The following DSCAM variants were observed in gnomAD, a reference collection of about 807,000 sequenced individuals.
DSCAM encodes DS cell adhesion molecule, also known as cell adhesion molecule DSCAM.
In DSCAM, 47 loss-of-function variants were observed where a neutral mutation model predicts 217.7. That is an observed-to-expected ratio of 0.22 (90% CI 0.17 to 0.28). The LOEUF (loss-of-function observed/expected upper bound fraction) is 0.28, where lower values mean the gene tolerates loss of function less well. DSCAM is among the 10% of genes least tolerant of loss of function. DSCAM has a pLI of 1.00. For missense variants in DSCAM, 2,080 were observed against 2,618.3 expected, an observed-to-expected ratio of 0.79 and a Z score of 4.49; for synonymous variants, 1,056 against 1,015.3, an observed-to-expected ratio of 1.04 and a Z score of -0.76.
At chr21:40,676,254 T>TTA (rs1555879259) in intron 3 of DSCAM, among the ~76,000 whole-genome samples, 1 of 152,076 alleles carries the variant, frequency 6.6e-6, no homozygotes, top group African/African-American at 2.4e-5. Flanking sequence ...TCAAAGCCAG[T>TTA]AAAAAAAGCA....
intron 8 of DSCAM, among the ~76,000 whole-genome samples, chr21:40,315,411 A>T (rs1317683475): frequency 2.0e-5 from 3 of 152,094 alleles, no homozygotes; most frequent in Non-Finnish European, 4.4e-5. Context: ...CTCAAAAAAA[A>T]AAAAGGAAAA....
rs1035186754 is a variant in DSCAM, at chr21:40,536,334, C to A, written c.508+156476G>T. ...CATTACAGAGGTGATGTGAAACCAT[C>A]TAAGATTCAAAGGTTTTCCAATACT... On this transcript the variant is annotated intron_variant, in intron 3 of 32. Coordinates refer to ENST00000400454, the MANE Select transcript of DSCAM (RefSeq NM_001389.5). Among the ~76,000 whole-genome samples the A allele has an allele frequency of 2.2e-4, 33 of 151,456 alleles. 1 individual carries two copies. The highest frequency in any genetic ancestry group is 1.8e-3 in the Admixed American group (28 of 15,216).
At chr21:40,304,942 T>C (rs1331600114) in intron 9 of DSCAM, among the ~76,000 whole-genome samples, 3 of 152,144 alleles carry the variant, frequency 2.0e-5, no homozygotes, top group African/African-American at 4.8e-5. Flanking sequence ...ATAATAATGA[T>C]AAAGTTTCAA....
chr21:40,533,967 A>T (rs1231285786), intron 3 of DSCAM, among the ~76,000 whole-genome samples: 1 of 152,206 alleles, frequency 6.6e-6, no homozygotes, highest in Non-Finnish European at 1.5e-5. Flanking sequence ...ATGTGCTGCA[A>T]GTATGATCTC....
chr21:40,669,962 A>G (rs2090252919), intron 3 of DSCAM, among the ~76,000 whole-genome samples: 1 of 151,822 alleles, frequency 6.6e-6, no homozygotes, highest in Non-Finnish European at 1.5e-5. Flanking sequence ...AAAAAAGTCC[A>G]AATTCAATAC....
At chr21:40,713,359 G>A (rs942885823) in intron 1 of DSCAM, among the ~76,000 whole-genome samples, 1 of 152,194 alleles carries the variant, frequency 6.6e-6, no homozygotes, top group Non-Finnish European at 1.5e-5. Flanking sequence ...GCATTGAGAC[G>A]TGTGTTGTGT....
intron 32 of DSCAM, among the ~76,000 whole-genome samples, chr21:40,018,968 G>A (rs1175170787): frequency 6.6e-6 from 1 of 152,166 alleles, no homozygotes; most frequent in African/African-American, 2.4e-5. Flanking sequence ...TTTCTGATTA[G>A]CGTCCAAAGT....
intron 1 of DSCAM, among the ~76,000 whole-genome samples, chr21:40,748,857 C>T (rs1601207337): frequency 6.6e-6 from 1 of 152,088 alleles, no homozygotes; most frequent in African/African-American, 2.4e-5. Flanking sequence ...GTAACCAAAA[C>T]AGGATGACAC....
At chr21:40,658,700 G>A (rs2090102586) in intron 3 of DSCAM, among the ~76,000 whole-genome samples, 1 of 152,120 alleles carries the variant, frequency 6.6e-6, no homozygotes, top group Non-Finnish European at 1.5e-5. Flanking sequence ...ACAAGTGAAA[G>A]AAAATTGATG....
intron 15 of DSCAM, among the ~76,000 whole-genome samples, chr21:40,176,678 C>A (rs2090735854): frequency 6.6e-6 from 1 of 152,224 alleles, no homozygotes; most frequent in Non-Finnish European, 1.5e-5. Flanking sequence ...TGCTCCTTTC[C>A]TTCCCTTCCC....
At chr21:40,059,299 C>G (rs2089077273) in intron 28 of DSCAM, among the ~76,000 whole-genome samples, 1 of 152,126 alleles carries the variant, frequency 6.6e-6, no homozygotes, top group South Asian at 2.1e-4. Context: ...TGTTAGCTCT[C>G]TACAGTATAC....
chr21:40,290,183 T>G (rs1042608027), intron 10 of DSCAM, among the ~76,000 whole-genome samples: 1 of 151,886 alleles, frequency 6.6e-6, no homozygotes, highest in Admixed American at 6.6e-5. Context: ...AAGAAGAAAA[T>G]TAAAGCAGGG....
intron 27 of DSCAM, among the ~76,000 whole-genome samples, chr21:40,069,250 C>T (rs2089254810): frequency 6.6e-6 from 1 of 152,104 alleles, no homozygotes; most frequent in South Asian, 2.1e-4. Flanking sequence ...GCATTAGTAG[C>T]CTGTGGATTA....
intron 3 of DSCAM, among the ~76,000 whole-genome samples, chr21:40,388,674 C>A (rs2075108332): frequency 6.6e-6 from 1 of 152,124 alleles, no homozygotes; most frequent in Admixed American, 6.5e-5. Context: ...CAGCTGTGTT[C>A]TTTGAAAATA....
chr21:40,231,901 A>G (rs1473069118), intron 11 of DSCAM, among the ~76,000 whole-genome samples: 1 of 152,142 alleles, frequency 6.6e-6, no homozygotes, highest in African/African-American at 2.4e-5. Context: ...TTTGTGATCA[A>G]ATATTTTATT....
intron 3 of DSCAM, among the ~76,000 whole-genome samples, chr21:40,667,518 C>T (rs999072300): frequency 1.5e-4 from 23 of 152,174 alleles, no homozygotes; most frequent in African/African-American, 5.3e-4. Flanking sequence ...AGGCTACCTT[C>T]GATTTATGCC....
intron 20 of DSCAM, among the ~76,000 whole-genome samples, chr21:40,115,162 C>T (rs2089953296): frequency 6.6e-6 from 1 of 152,108 alleles, no homozygotes; most frequent in Non-Finnish European, 1.5e-5. Flanking sequence ...TTGGAACCAA[C>T]CTAAATGTCC....
At position 40,640,196 on chromosome 21, in the gene DSCAM, T is replaced by TCAAGAGAAGTGGCAGAGAGGAAAATC. The variant is rs2089860705; in HGVS notation, c.508+52613_508+52614insGATTTTCCTCTCTGCCACTTCTCTTG. 2.6e-5 allele frequency among the ~76,000 whole-genome samples: 3 copies of TCAAGAGAAGTGGCAGAGAGGAAAATC among 115,726 alleles called. No homozygotes were observed. The Admixed American group carries it at 3.2e-4, about 12-fold the overall frequency. The allele number at this position is 115,726 out of a possible 152,430, so 75.9% of individuals were successfully genotyped here. On this transcript the variant is annotated intron_variant, in intron 3 of 32. Transcript: ENST00000400454. Reference sequence around the variant, plus strand: ...AAAATCAAGAGAAGTGGCAGAAAACTATGGGAAGGTGGGACTTGAGGGGAG... The same window carrying TCAAGAGAAGTGGCAGAGAGGAAAATC: ...AAAATCAAGAGAAGTGGCAGAAAACTCAAGAGAAGTGGCAGAGAGGAAAATCATGGGAAGGTGGGACTTGAGGGGAG...
intron 3 of DSCAM, among the ~76,000 whole-genome samples, chr21:40,625,843 T>TC (rs1464564812): frequency 6.6e-6 from 1 of 152,152 alleles, no homozygotes; most frequent in Admixed American, 6.5e-5. Context: ...TGCTCCATTT[T>TC]CCTCTCAATT....
Sources: gnomAD v4.1 joint callset for allele counts (sites outside exome capture counted in the v4.1 genomes callset) on GRCh38, gnomAD v4.1.1 for gene constraint, MANE v1.5 for transcripts, NCBI Gene and HGNC (gene_info 2026-07-23, HGNC 2026-07-21) for gene names.